PTH2R: variants seen among roughly 807,000 people sequenced by gnomAD.
PTH2R encodes PTH2 receptor.
Under a neutral mutation model 60.3 loss-of-function variants are expected in PTH2R, and 59 were observed. The observed-to-expected ratio is 0.98, with a 90% CI of 0.79 to 1.22. PTH2R has a LOEUF of 1.22. Ranked by LOEUF, PTH2R falls within the 50% of genes most tolerant of loss-of-function variation. The pLI, the probability that PTH2R is intolerant of heterozygous loss-of-function variation, is 0.00. For synonymous variants in PTH2R, 256 were observed against 243.8 expected, an observed-to-expected ratio of 1.05 and a Z score of -0.47; for missense variants, 749 against 682.6, an observed-to-expected ratio of 1.10 and a Z score of -1.08.
intron 1 of PTH2R, among the ~76,000 whole-genome samples, chr2:208,394,277 G>A (rs1701163870): frequency 2.0e-5 from 3 of 152,244 alleles, no homozygotes; most frequent in Admixed American, 1.3e-4. Context: ...CAAAGTCTCA[G>A]GGCCGAAGGA....
At chr2:208,395,237 C>A (rs1165803826) in intron 1 of PTH2R, among the ~76,000 whole-genome samples, 1 of 151,818 alleles carries the variant, frequency 6.6e-6, no homozygotes, top group Non-Finnish European at 1.5e-5. Context: ...TTAGTAGAGA[C>A]GGGGTTTCAC....
intron 2 of PTH2R, among the ~76,000 whole-genome samples, chr2:208,431,054 G>A (rs1701961635): frequency 6.6e-6 from 1 of 152,036 alleles, no homozygotes; most frequent in Non-Finnish European, 1.5e-5. Flanking sequence ...GGAACTTTAA[G>A]AAGACAAATA....
chr2:208,473,373 A>T (rs1394588673), intron 9 of PTH2R, among the ~76,000 whole-genome samples: 1 of 152,204 alleles, frequency 6.6e-6, no homozygotes, highest in African/African-American at 2.4e-5. Context: ...AAGTTGATTG[A>T]AGAAAGATAT....
In PTH2R at chr2:208,407,056, G is replaced by T; in HGVS notation, c.13G>T (p.Gly5Trp). 1 of 1,394,584 alleles carries T rather than the reference G, an allele frequency of 7.2e-7. No individual in the cohort carries two copies. The highest frequency in any genetic ancestry group is 9.4e-7 in the Non-Finnish European group (1 of 1,067,724). 86.4% of individuals were successfully genotyped at this position (1,394,584 alleles called of 1,614,324 possible). The change falls in exon 1 of 13, where the codon GGG (glycine) becomes TGG (tryptophan). Residue 5 changes from glycine (G) to tryptophan (W), a missense_variant. Physicochemically the swap from Gly to Trp is radical, Grantham distance 184. Coordinates refer to ENST00000272847, the MANE Select transcript of PTH2R (RefSeq NM_005048.4). Reference sequence around the variant, plus strand: ...AGCCGTTCCGGGCATGGCCGGGCTGGGGGCGTCGCTCCACGTCTGGGGTTG... The same window carrying T: ...AGCCGTTCCGGGCATGGCCGGGCTGTGGGCGTCGCTCCACGTCTGGGGTTG... The part of the protein sequence containing the change: MAGL[G>W]ASLHVWGWLM...
At position 208,483,832 on chromosome 2, in the gene PTH2R, A is replaced by G. The variant is rs185525204; in HGVS notation, c.1076+2668A>G. ...ACAGATAAAAATGTAGTGAAGAGTG[A>G]TTCTTTTTTCAGAGAAAAATGTGGG... On this transcript the variant is annotated intron_variant, in intron 10 of 12. Transcript: ENST00000272847. Among the ~76,000 whole-genome samples, 610 of 152,338 alleles carry G rather than the reference A, an allele frequency of 4.0e-3. 3 individuals are homozygous for G. The highest frequency in any genetic ancestry group is 6.3e-3 in the Non-Finnish European group (431 of 68,024).
intron 2 of PTH2R, among the ~76,000 whole-genome samples, chr2:208,435,700 G>A (rs1702061359): frequency 6.6e-6 from 1 of 152,142 alleles, no homozygotes; most frequent in Non-Finnish European, 1.5e-5. Flanking sequence ...AGTGAACAAG[G>A]AGACAGATCC....
chr2:208,368,462 T>C (rs1271263309), intron 1 of PTH2R, among the ~76,000 whole-genome samples: 1 of 152,208 alleles, frequency 6.6e-6, no homozygotes, highest in Non-Finnish European at 1.5e-5. Context: ...GCTGTTCCTC[T>C]ACATTGGTAT....
intron 1 of PTH2R, among the ~76,000 whole-genome samples, chr2:208,427,416 G>C (rs1344181326): frequency 1.3e-5 from 2 of 151,940 alleles, no homozygotes; most frequent in African/African-American, 4.8e-5. Flanking sequence ...CAGAATCCAT[G>C]TTGTATTATA....
chr2:208,406,338 T>C (rs185505530), upstream of PTH2R, among the ~76,000 whole-genome samples: 20 of 152,272 alleles, frequency 1.3e-4, no homozygotes, highest in East Asian at 3.7e-3. Context: ...AATATATACA[T>C]TATTTCTACT....
intron 2 of PTH2R, among the ~76,000 whole-genome samples, chr2:208,431,963 T>C (rs1360721048): frequency 6.6e-6 from 1 of 152,244 alleles, no homozygotes; most frequent in Non-Finnish European, 1.5e-5. Flanking sequence ...TTTGTAGGTA[T>C]CTTGTACTAA....
chr2:208,434,642 G>A (rs751265003), intron 2 of PTH2R, among the ~76,000 whole-genome samples: 1 of 152,052 alleles, frequency 6.6e-6, no homozygotes, highest in Non-Finnish European at 1.5e-5. Flanking sequence ...TCTAATTACC[G>A]AGAAATAAGA....
chr2:208,468,789 C>A (rs1036183444), intron 9 of PTH2R, among the ~76,000 whole-genome samples: 1 of 152,084 alleles, frequency 6.6e-6, no homozygotes, highest in Non-Finnish European at 1.5e-5. Flanking sequence ...GTTGAATGTC[C>A]ATCTTTTTCA....
intron 9 of PTH2R, among the ~76,000 whole-genome samples, chr2:208,470,310 A>G (rs1020200870): frequency 1.3e-5 from 2 of 152,218 alleles, no homozygotes; most frequent in African/African-American, 4.8e-5. Context: ...TCCAGCATCC[A>G]GTGATAGGTG....
At chr2:208,409,658 T>C (rs924733032) in intron 1 of PTH2R, among the ~76,000 whole-genome samples, 1 of 152,124 alleles carries the variant, frequency 6.6e-6, no homozygotes, top group African/African-American at 2.4e-5. Context: ...CACCATAAAA[T>C]AGATGATATA....
chr2:208,370,813 G>A (rs1175993885), intron 1 of PTH2R, among the ~76,000 whole-genome samples: 2 of 152,030 alleles, frequency 1.3e-5, no homozygotes, highest in Non-Finnish European at 2.9e-5. Flanking sequence ...GATACCTGGA[G>A]GCTGGGAAAT....
At chr2:208,422,231 C>G (rs955121557) in intron 1 of PTH2R, among the ~76,000 whole-genome samples, 1 of 152,126 alleles carries the variant, frequency 6.6e-6, no homozygotes, top group Non-Finnish European at 1.5e-5. Flanking sequence ...TAGATGAGGC[C>G]CAGTTACATT....
chr2:208,475,318 T>A (rs1702976567), intron 9 of PTH2R, among the ~76,000 whole-genome samples: 1 of 152,208 alleles, frequency 6.6e-6, no homozygotes, highest in Non-Finnish European at 1.5e-5. Flanking sequence ...GGGTCACCTT[T>A]CTTATAGTAC....
intron 9 of PTH2R, among the ~76,000 whole-genome samples, chr2:208,479,944 C>CCCTTT (rs1274544872): frequency 6.6e-6 from 1 of 152,182 alleles, no homozygotes; most frequent in Non-Finnish European, 1.5e-5. Flanking sequence ...CTGGAAACAT[C>CCCTTT]CCTTTCCTTT....
chr2:208,450,203 A>G (rs1219749918), intron 7 of PTH2R, among the ~76,000 whole-genome samples: 1 of 152,230 alleles, frequency 6.6e-6, no homozygotes, highest in Non-Finnish European at 1.5e-5. Context: ...ACCCTTTTCT[A>G]TTAATGCATG....
Sources: allele counts gnomAD v4.1 joint callset (sites outside exome capture counted in the v4.1 genomes callset), GRCh38; gene constraint gnomAD v4.1.1; transcripts MANE v1.5; gene names NCBI Gene and HGNC (gene_info 2026-07-23, HGNC 2026-07-21).